NFIL3: variants seen among roughly 807,000 people sequenced by gnomAD.
The protein encoded by NFIL3 is nuclear factor, interleukin 3 regulated, also known as nuclear factor interleukin-3-regulated protein.
NFIL3 carries 5 observed loss-of-function variants against 10.0 expected under a neutral mutation model. The observed-to-expected ratio is 0.50, with a 90% CI of 0.26 to 1.06. The LOEUF is 1.06. NFIL3 is among the 50% of genes least tolerant of loss of function. The probability of loss-of-function intolerance (pLI) is 0.13; values close to 1 mark genes in which losing one functional copy is unlikely to be tolerated. For synonymous variants in NFIL3, 202 were observed against 206.5 expected (o/e 0.98, Z 0.19); for missense variants, 436 against 547.6 (o/e 0.80, Z 2.03).
chr9:91,470,615 G>A, the NFIL3 span, among the ~76,000 whole-genome samples: 5 of 152,012 alleles, frequency 3.3e-5, no homozygotes, highest in African/African-American at 1.2e-4. Context: ...TGATGTTAGG[G>A]TGTCAATTTT....
chr9:91,474,371 A>G, the NFIL3 span, among the ~76,000 whole-genome samples: 2 of 151,998 alleles, frequency 1.3e-5, no homozygotes, highest in Non-Finnish European at 2.9e-5. Flanking sequence ...AGGCTTTTTC[A>G]TCTAGGCTAA....
At chr9:91,437,553 T>C in the NFIL3 span, among the ~76,000 whole-genome samples, 1 of 152,232 alleles carries the variant, frequency 6.6e-6, no homozygotes, top group Non-Finnish European at 1.5e-5. Flanking sequence ...GAATCACAAA[T>C]ACAGTACAAT....
the NFIL3 span, among the ~76,000 whole-genome samples, chr9:91,463,816 T>C: frequency 6.6e-6 from 1 of 152,126 alleles, no homozygotes; most frequent in Admixed American, 6.6e-5. Flanking sequence ...CTATCAAGTT[T>C]TGCCTCATGC....
the NFIL3 span, among the ~76,000 whole-genome samples, chr9:91,430,781 C>T: frequency 9.2e-5 from 14 of 152,062 alleles, no homozygotes; most frequent in Non-Finnish European, 2.1e-4. Context: ...AAGCAGCTAG[C>T]ACTACAGGTG....
At chr9:91,464,939 CTTCT>C in the NFIL3 span, among the ~76,000 whole-genome samples, 1 of 152,002 alleles carries the variant, frequency 6.6e-6, no homozygotes. Context: ...TTTCCTCTGT[CTTCT>C]TTAATGATTT....
the NFIL3 span, among the ~76,000 whole-genome samples, chr9:91,433,219 A>G: frequency 2.0e-5 from 3 of 152,262 alleles, no homozygotes; most frequent in African/African-American, 7.2e-5. Context: ...ATTTTCCTGC[A>G]TATGGGAATC....
chr9:91,410,122 G>T lies in NFIL3; in HGVS notation c.613C>A (p.Gln205Lys), dbSNP rs760319301. The T allele has an allele frequency of 6.2e-7, 1 of 1,614,066 alleles. No individual in the cohort carries two copies. Among genetic ancestry groups the T allele is most frequent in the East Asian group, 2.2e-5 (1 of 44,886 alleles). The stretch of plus-strand genomic sequence containing the variant: ...TTTTCAGGACTTCTGCAGCTTCCCT[G>T]CACAGAGCTCTCCTGCGTGTGTTCT... Reference protein sequence around the residue: ...SVEHTQESSVQGSCRSPENKF... With the variant: ...SVEHTQESSVKGSCRSPENKF... The change falls in exon 2 of 2, where the codon CAG (glutamine) becomes AAG (lysine). Residue 205 changes from glutamine to lysine, a missense_variant. Around this residue, in one of 3 missense-constraint regions of NFIL3, gnomAD observed 338 missense variants for 399.9 expected, o/e 0.85. Transcript: ENST00000297689. The surrounding 1 kb of genome is among the most constrained non-coding windows in gnomAD (Gnocchi z 5.7).
chr9:91,431,413 A>G, the NFIL3 span, among the ~76,000 whole-genome samples: 4 of 152,156 alleles, frequency 2.6e-5, no homozygotes, highest in Admixed American at 1.3e-4. Context: ...ATAATAACAA[A>G]TACTGCTCAA....
At chr9:91,460,292 T>TTTTTTTTTTTTTA in the NFIL3 span, among the ~76,000 whole-genome samples, 1 of 142,454 alleles carries the variant, frequency 7.0e-6, no homozygotes, top group Non-Finnish European at 1.5e-5. Flanking sequence ...TTTTTTTTTT[T>TTTTTTTTTTTTTA]GAGATGGAGT....
chr9:91,440,201 C>G, the NFIL3 span, among the ~76,000 whole-genome samples: 4 of 152,018 alleles, frequency 2.6e-5, no homozygotes, highest in Non-Finnish European at 5.9e-5. Context: ...TGTTATTATT[C>G]TGTTCAAGCT....
At chr9:91,441,262 T>A in the NFIL3 span, among the ~76,000 whole-genome samples, 1 of 152,244 alleles carries the variant, frequency 6.6e-6, no homozygotes, top group South Asian at 2.1e-4. Context: ...ATAATGACTT[T>A]TTTTGTCTCT....
At chr9:91,438,453 T>G in the NFIL3 span, among the ~76,000 whole-genome samples, 1 of 152,222 alleles carries the variant, frequency 6.6e-6, no homozygotes, top group Non-Finnish European at 1.5e-5. Flanking sequence ...TCCCAATTCA[T>G]AGGCTATTTC....
At chr9:91,414,345 A>T (rs1225654368) in intron 1 of NFIL3, among the ~76,000 whole-genome samples, 1 of 152,356 alleles carries the variant, frequency 6.6e-6, no homozygotes, top group East Asian at 1.9e-4. Flanking sequence ...CTGGGATTAC[A>T]GGCATGTGCC....
At chr9:91,423,950 C>A (rs1350335395), upstream of NFIL3, 1 of 145,460 alleles carries the variant, frequency 6.9e-6, no homozygotes, top group African/African-American at 2.5e-5. Flanking sequence ...ATGGCCGCGG[C>A]CGGCAGGGGC....
chr9:91,454,025 G>A, the NFIL3 span, among the ~76,000 whole-genome samples: 1 of 151,814 alleles, frequency 6.6e-6, no homozygotes, highest in Non-Finnish European at 1.5e-5. Context: ...TTGAGGTCAG[G>A]AGTTTGAGAC....
At chr9:91,448,316 T>C in the NFIL3 span, among the ~76,000 whole-genome samples, 1 of 152,158 alleles carries the variant, frequency 6.6e-6, no homozygotes, top group East Asian at 1.9e-4. Context: ...ACAGTTACAT[T>C]TGATGAGGAC....
the NFIL3 span, among the ~76,000 whole-genome samples, chr9:91,448,158 T>A: frequency 6.6e-6 from 1 of 152,338 alleles, no homozygotes; most frequent in African/African-American, 2.4e-5. Context: ...AGTGCTCTTA[T>A]GTCTATCCTC....
the NFIL3 span, among the ~76,000 whole-genome samples, chr9:91,450,545 T>C: frequency 6.6e-6 from 1 of 152,208 alleles, no homozygotes; most frequent in Admixed American, 6.5e-5. Flanking sequence ...CTGGCTTCAT[T>C]CTATTATAGT....
chr9:91,439,403 T>G, the NFIL3 span, among the ~76,000 whole-genome samples: 1 of 151,340 alleles, frequency 6.6e-6, no homozygotes, highest in Non-Finnish European at 1.5e-5. Flanking sequence ...TCTAACTGTT[T>G]TTTTTCCCTG....
Sources: gnomAD v4.1 joint callset for allele counts (sites outside exome capture counted in the v4.1 genomes callset) on GRCh38, gnomAD v4.1.1 for gene constraint, gnomAD v4.1.1 regional missense constraint, Gnocchi (gnomAD v3.1) non-coding constraint, MANE v1.5 for transcripts, NCBI Gene and HGNC (gene_info 2026-07-23, HGNC 2026-07-21) for gene names.